Variants in NDUFAF2 observed in about 807,000 individuals in gnomAD.
NDUFAF2 encodes NADH dehydrogenase [ubiquinone] 1 alpha subcomplex assembly factor 2.
In NDUFAF2, 13 loss-of-function variants were observed where a neutral mutation model predicts 22.8. The observed-to-expected ratio is 0.57, with a 90% CI of 0.37 to 0.91. The LOEUF is 0.91. Among genes scored for constraint, NDUFAF2 ranks in the 40% least tolerant of loss-of-function variants. NDUFAF2 has a pLI of 0.01. For missense variants in NDUFAF2, 162 were observed against 195.2 expected, an observed-to-expected ratio of 0.83 and a Z score of 1.01; for synonymous variants, 53 against 64.2, an observed-to-expected ratio of 0.83 and a Z score of 0.84.
intron 2 of NDUFAF2, 24 bp downstream of exon 2, chr5:61,073,238 T>G: frequency 6.7e-6 from 10 of 1,496,094 alleles, no homozygotes; most frequent in Non-Finnish European, 7.5e-6. Context: ...TTTAGTAGAA[T>G]CTCATGGGAG....
intron 1 of NDUFAF2, among the ~76,000 whole-genome samples, chr5:60,986,347 T>A (rs1751075227): frequency 6.6e-6 from 1 of 151,990 alleles, no homozygotes; most frequent in South Asian, 2.1e-4. Flanking sequence ...TATATGGCAA[T>A]TAAACATGCT....
chr5:60,973,787 A>G (rs912232095), intron 1 of NDUFAF2, among the ~76,000 whole-genome samples: 4 of 152,094 alleles, frequency 2.6e-5, no homozygotes, highest in African/African-American at 9.7e-5. Flanking sequence ...CTTTTTACAA[A>G]AGGATGAACT....
chr5:61,112,521 T>C (rs1326059965), intron 3 of NDUFAF2, among the ~76,000 whole-genome samples: 1 of 152,178 alleles, frequency 6.6e-6, no homozygotes, highest in Non-Finnish European at 1.5e-5. Context: ...CCTTTATCTC[T>C]TTTTATAGTT....
At chr5:61,056,961 G>A (rs1485317681) in intron 1 of NDUFAF2, among the ~76,000 whole-genome samples, 1 of 104,914 alleles carries the variant, frequency 9.5e-6, no homozygotes, top group Admixed American at 1.1e-4. Flanking sequence ...TATTTATATG[G>A]TGCTATATAA....
intron 1 of NDUFAF2, among the ~76,000 whole-genome samples, chr5:61,022,915 G>A (rs1751602219): frequency 6.6e-6 from 1 of 152,206 alleles, no homozygotes; most frequent in African/African-American, 2.4e-5. Context: ...TAAGTGCTAG[G>A]ATTACCGGCG....
At chr5:60,962,042 A>G (rs1257982048) in intron 1 of NDUFAF2, among the ~76,000 whole-genome samples, 1 of 152,096 alleles carries the variant, frequency 6.6e-6, no homozygotes, top group East Asian at 1.9e-4. Context: ...TTATAAATAC[A>G]AATTGTATAT....
intron 1 of NDUFAF2, among the ~76,000 whole-genome samples, chr5:60,945,604 G>C (rs890070564): frequency 3.3e-5 from 5 of 152,190 alleles, no homozygotes; most frequent in Admixed American, 1.3e-4. Flanking sequence ...GTGCGTCCGC[G>C]GTCCCTACTA....
intron 3 of NDUFAF2, among the ~76,000 whole-genome samples, chr5:61,151,633 C>A (rs1741240970): frequency 6.6e-6 from 1 of 152,130 alleles, no homozygotes; most frequent in South Asian, 2.1e-4. Flanking sequence ...ACAAAATTAG[C>A]TGGGTGTGGT....
intron 1 of NDUFAF2, among the ~76,000 whole-genome samples, chr5:60,985,358 T>A (rs1192754785): frequency 6.6e-6 from 1 of 152,170 alleles, no homozygotes; most frequent in Non-Finnish European, 1.5e-5. Flanking sequence ...CCTGGATTCA[T>A]TGATTTTTTG....
chr5:61,020,585 G>A (rs994186577), intron 1 of NDUFAF2, among the ~76,000 whole-genome samples: 5 of 151,356 alleles, frequency 3.3e-5, no homozygotes, highest in Admixed American at 6.6e-5. Flanking sequence ...ACACATGCAC[G>A]CATGTGTGTG....
At chr5:60,955,749 TTTCA>T (rs1254682535) in intron 1 of NDUFAF2, among the ~76,000 whole-genome samples, 5 of 152,170 alleles carry the variant, frequency 3.3e-5, no homozygotes, top group Admixed American at 6.5e-5. Flanking sequence ...AAAGCATTTC[TTTCA>T]TCCATGTTTT....
intron 2 of NDUFAF2, among the ~76,000 whole-genome samples, chr5:61,082,296 C>G (rs1258485684): frequency 1.3e-5 from 2 of 152,116 alleles, no homozygotes; most frequent in African/African-American, 4.8e-5. Context: ...GGGGATCTTG[C>G]TCTGTGGCTC....
chr5:60,965,700 C>T (rs1428948112), intron 1 of NDUFAF2, among the ~76,000 whole-genome samples: 1 of 152,030 alleles, frequency 6.6e-6, no homozygotes, highest in African/African-American at 2.4e-5. Context: ...GGCAGATTTC[C>T]CTCTTTTTAA....
intron 3 of NDUFAF2, among the ~76,000 whole-genome samples, chr5:61,143,241 G>A (rs1374251917): frequency 6.6e-6 from 1 of 152,028 alleles, no homozygotes; most frequent in Non-Finnish European, 1.5e-5. Flanking sequence ...CATACTTCAT[G>A]CCAAATTTCA....
At chr5:61,048,196 C>G (rs754543448) in intron 1 of NDUFAF2, among the ~76,000 whole-genome samples, 1 of 152,020 alleles carries the variant, frequency 6.6e-6, no homozygotes, top group Non-Finnish European at 1.5e-5. Context: ...TGTTTCTTCC[C>G]TTTACAATTT....
At chr5:61,029,353 C>G (rs1751695479) in intron 1 of NDUFAF2, among the ~76,000 whole-genome samples, 1 of 152,084 alleles carries the variant, frequency 6.6e-6, no homozygotes, top group Non-Finnish European at 1.5e-5. Flanking sequence ...ATTACTCGTG[C>G]AATTGATTTC....
chr5:61,089,717 G>C (rs1752544214), intron 2 of NDUFAF2, among the ~76,000 whole-genome samples: 1 of 151,964 alleles, frequency 6.6e-6, no homozygotes, highest in Non-Finnish European at 1.5e-5. Context: ...GCTAAAAGAA[G>C]TCCCCTGACA....
intron 1 of NDUFAF2, among the ~76,000 whole-genome samples, chr5:61,009,800 A>G (rs1336037389): frequency 6.6e-6 from 1 of 152,048 alleles, no homozygotes; most frequent in East Asian, 1.9e-4. Context: ...ACAACAGCTT[A>G]CAATCAGATA....
intron 1 of NDUFAF2, among the ~76,000 whole-genome samples, chr5:60,968,777 T>C (rs1189143420): frequency 6.6e-6 from 1 of 152,088 alleles, no homozygotes; most frequent in African/African-American, 2.4e-5. Context: ...GTCACCCTGT[T>C]GTGCTATCAA....
Sources: gnomAD v4.1 joint callset for allele counts (sites outside exome capture counted in the v4.1 genomes callset) on GRCh38, gnomAD v4.1.1 for gene constraint, MANE v1.5 for transcripts, NCBI Gene and HGNC (gene_info 2026-07-23, HGNC 2026-07-21) for gene names.